BRAF: variants seen among roughly 807,000 people sequenced by gnomAD.
The protein encoded by BRAF is B-Raf proto-oncogene, serine/threonine kinase, also known as serine/threonine-protein kinase B-raf.
In BRAF, 16 loss-of-function variants were observed where a neutral mutation model predicts 104.6. The observed-to-expected ratio is 0.15, with a 90% CI of 0.10 to 0.23. BRAF has a LOEUF of 0.23. BRAF is among the 10% of genes least tolerant of loss of function. BRAF has a pLI of 1.00. For synonymous variants in BRAF, 310 were observed against 341.6 expected (o/e 0.91, Z 1.02); for missense variants, 541 against 937.3 (o/e 0.58, Z 5.52).
intron 1 of BRAF, among the ~76,000 whole-genome samples, chr7:140,859,054 A>T (rs1177953459): frequency 6.6e-6 from 1 of 152,176 alleles, no homozygotes; most frequent in Non-Finnish European, 1.5e-5. Context: ...AGAGCCAATT[A>T]AAAAAAGATG....
intron 4 of BRAF, among the ~76,000 whole-genome samples, 164 bp downstream of exon 4, chr7:140,808,728 T>A (rs1803916809): frequency 6.6e-6 from 1 of 152,198 alleles, no homozygotes; most frequent in Non-Finnish European, 1.5e-5. Context: ...TAACTCCTCA[T>A]ATGGCCTACA....
At position 140,734,807 on chromosome 7, in the gene BRAF, GAAAAAAGAAAAAA is replaced by G. The variant is rs1169025599; in HGVS notation, c.2248-50_2248-38del. On this transcript the variant is annotated intron_variant, in intron 18 of 19. Coordinates refer to ENST00000644969, the MANE Select transcript of BRAF (RefSeq NM_001374258.1). ...AAAAGAAAAAAAAAAGAAAAAAAAA[GAAAAAAGAAAAAA>G]AAAGAAAGAAAGAAAAAGAAAAAAC... 3.9e-5 allele frequency: 34 copies of G among 871,210 alleles called. No homozygotes were observed. The Admixed American group carries it at 5.1e-4, about 13-fold the overall frequency. 54.0% of individuals were successfully genotyped at this position (871,210 alleles called of 1,614,324 possible).
chr7:140,772,268 T>TAACTAC (rs771321685), intron 14 of BRAF, among the ~76,000 whole-genome samples: 12 of 103,450 alleles, frequency 1.2e-4, no homozygotes, highest in Admixed American at 2.2e-4. Context: ...ACAGATTGTT[T>TAACTAC]AACTACAACA....
intron 3 of BRAF, among the ~76,000 whole-genome samples, chr7:140,832,945 C>G (rs904836627): frequency 6.7e-6 from 1 of 150,282 alleles, no homozygotes; most frequent in Non-Finnish European, 1.5e-5. Flanking sequence ...GCGATCTCGG[C>G]TCACTGCAAG....
chr7:140,879,738 T>C (rs117325894), intron 1 of BRAF, among the ~76,000 whole-genome samples: 8,127 of 151,172 alleles, frequency 0.054, 292 homozygotes, highest in Admixed American at 0.091. Context: ...TTCTTTCTTT[T>C]TTTTTTTTTT....
At chr7:140,796,384 T>C (rs1802497247) in intron 7 of BRAF, among the ~76,000 whole-genome samples, 2 of 148,890 alleles carry the variant, frequency 1.3e-5, no homozygotes, top group Non-Finnish European at 3.0e-5. Flanking sequence ...TTGGAAAAAG[T>C]ATGAATAACT....
At position 140,924,078 on chromosome 7, in the gene BRAF, G is replaced by C. The variant is rs1388538251; in HGVS notation, c.138+488C>G. ...AAAGGGCAGCGGACTGAGAAGGGGG[G>C]CAGTCCGGGAGAGGAGAGAGGAAAT... On this transcript the variant is annotated intron_variant, in intron 1 of 19. Transcript: ENST00000644969. The surrounding 1 kb of genome is among the most constrained non-coding windows in gnomAD (Gnocchi z 4.2). Among the ~76,000 whole-genome samples the C allele has an allele frequency of 2.0e-5, 3 of 152,104 alleles. No individual in the cohort carries two copies. The highest frequency in any genetic ancestry group is 2.0e-4 in the Admixed American group (3 of 15,272).
intron 3 of BRAF, among the ~76,000 whole-genome samples, chr7:140,831,483 T>C (rs1806739214): frequency 6.6e-6 from 1 of 152,230 alleles, no homozygotes; most frequent in African/African-American, 2.4e-5. Context: ...GGCAGAAATT[T>C]TGTTTAGAAA....
intron 11 of BRAF, among the ~76,000 whole-genome samples, chr7:140,782,497 T>G (rs1800977673): frequency 6.6e-6 from 1 of 151,968 alleles, no homozygotes; most frequent in Admixed American, 6.6e-5. Context: ...ATAAAATTAC[T>G]TTGGTAGGGT....
chr7:140,923,759 A>C (rs751955507), intron 1 of BRAF, among the ~76,000 whole-genome samples: 28 of 152,284 alleles, frequency 1.8e-4, no homozygotes, highest in Non-Finnish European at 3.5e-4. Context: ...GAGTGGTGAG[A>C]TCAAGTACAG....
intron 17 of BRAF, among the ~76,000 whole-genome samples, chr7:140,742,979 C>T (rs796756931): frequency 8.5e-5 from 13 of 152,238 alleles, no homozygotes; most frequent in African/African-American, 2.2e-4. Context: ...AAAATGCTCA[C>T]CATCACTGGC....
At chr7:140,765,331 A>G (rs1426990938) in intron 14 of BRAF, among the ~76,000 whole-genome samples, 9 of 151,822 alleles carry the variant, frequency 5.9e-5, no homozygotes, top group Non-Finnish European at 1.3e-4. Context: ...CGTTAGACCT[A>G]AAACCATAAA....
chr7:140,721,444 T>G lies in BRAF; in HGVS notation c.*5050A>C. 1.6e-6 allele frequency: 2 copies of G among 1,266,578 alleles called. No individual in the cohort carries two copies. Among genetic ancestry groups the G allele is most frequent in the Non-Finnish European group, 2.0e-6 (2 of 1,007,258 alleles). The allele number at this position is 1,266,578 out of a possible 1,614,324, so 78.5% of individuals were successfully genotyped here. A position where few individuals can be genotyped will look rare whatever the true frequency, so the allele number is the denominator to read the frequency against. On this transcript the variant is annotated 3_prime_UTR_variant, in exon 20 of 20. Transcript: ENST00000644969. ...AGAATTGAATTTCAATTTAAATGTC[T>G]TTGCCCAAACAAAAGTGAAAATAGG...
chr7:140,772,158 A>C (rs367858266), intron 14 of BRAF, among the ~76,000 whole-genome samples: 13 of 152,186 alleles, frequency 8.5e-5, no homozygotes, highest in African/African-American at 3.1e-4. Flanking sequence ...GATATGTTAA[A>C]ATCTGTTACA....
At chr7:140,886,165 T>C (rs1813542299) in intron 1 of BRAF, among the ~76,000 whole-genome samples, 1 of 152,156 alleles carries the variant, frequency 6.6e-6, no homozygotes, top group African/African-American at 2.4e-5. Flanking sequence ...CTTCACAGGG[T>C]AATGGTAATA....
At chr7:140,812,140 G>A (rs777419237) in intron 3 of BRAF, among the ~76,000 whole-genome samples, 5 of 148,198 alleles carry the variant, frequency 3.4e-5, no homozygotes, top group Non-Finnish European at 7.4e-5. Context: ...TAACTTTTGG[G>A]CATGCATGTG....
chr7:140,879,240 G>A (rs1812601072), intron 1 of BRAF, among the ~76,000 whole-genome samples: 1 of 151,740 alleles, frequency 6.6e-6, no homozygotes. Flanking sequence ...GGAGTACAAT[G>A]GCGGGATCTC....
At chr7:140,807,699 T>G (rs1803805409) in intron 5 of BRAF, among the ~76,000 whole-genome samples, 1 of 152,188 alleles carries the variant, frequency 6.6e-6, no homozygotes, top group South Asian at 2.1e-4. Context: ...TTCACTTTTT[T>G]TACTTGACAT....
chr7:140,869,561 A>G lies in BRAF; in HGVS notation c.139-19349T>C, dbSNP rs529494612. 1.3e-4 allele frequency among the ~76,000 whole-genome samples: 20 copies of G among 152,100 alleles called. No individual in the cohort carries two copies. The South Asian group carries it at 4.2e-3, about 32-fold the overall frequency. On this transcript the variant is annotated intron_variant, in intron 1 of 19. Coordinates refer to ENST00000644969, the MANE Select transcript of BRAF (RefSeq NM_001374258.1). ...GGCATGAGAATCACTTGAACCTGGG[A>G]GACAGAGGTTGCGGTGAGCCGAAAT...
Sources: gnomAD v4.1 joint callset for allele counts (sites outside exome capture counted in the v4.1 genomes callset) on GRCh38, gnomAD v4.1.1 for gene constraint, Gnocchi (gnomAD v3.1) non-coding constraint, MANE v1.5 for transcripts, NCBI Gene and HGNC (gene_info 2026-07-23, HGNC 2026-07-21) for gene names.